The following TASP1 variants were observed in gnomAD, a reference collection of about 807,000 sequenced individuals.
The protein encoded by TASP1 is taspase 1.
Under a neutral mutation model 56.6 loss-of-function variants are expected in TASP1, and 16 were observed. That is an observed-to-expected ratio of 0.28 (90% CI 0.19 to 0.43). The LOEUF (loss-of-function observed/expected upper bound fraction) is 0.43. Ranked by LOEUF, TASP1 falls within the 20% of genes least tolerant of loss-of-function variation. The probability of loss-of-function intolerance (pLI) is 1.00; values close to 1 mark genes in which losing one functional copy is unlikely to be tolerated. For synonymous variants in TASP1, 179 were observed against 184.2 expected (o/e 0.97, Z 0.23); for missense variants, 393 against 511.6 (o/e 0.77, Z 2.24).
At chr20:13,196,281 T>C in the TASP1 span, among the ~76,000 whole-genome samples, 3 of 152,246 alleles carry the variant, frequency 2.0e-5, no homozygotes, top group African/African-American at 7.2e-5. Flanking sequence ...AATGATGGCC[T>C]ATTATGCGAG....
At chr20:13,323,623 C>A in the TASP1 span, among the ~76,000 whole-genome samples, 1 of 152,174 alleles carries the variant, frequency 6.6e-6, no homozygotes, top group Non-Finnish European at 1.5e-5. Context: ...AACTACCATA[C>A]GACTATAATT....
chr20:13,570,760 C>T (rs188302574), intron 6 of TASP1, among the ~76,000 whole-genome samples: 6 of 152,000 alleles, frequency 3.9e-5, no homozygotes, highest in Non-Finnish European at 7.4e-5. Context: ...TATTCTTGTA[C>T]GAAATGAAAT....
chr20:13,184,028 CAAA>C, the TASP1 span, among the ~76,000 whole-genome samples: 6 of 61,558 alleles, frequency 9.7e-5, no homozygotes, highest in Admixed American at 1.7e-4. Flanking sequence ...GACTCTGTCT[CAAA>C]AAAAAAAAAA....
chr20:13,132,471 C>T, the TASP1 span, among the ~76,000 whole-genome samples: 1 of 152,120 alleles, frequency 6.6e-6, no homozygotes, highest in Non-Finnish European at 1.5e-5. Flanking sequence ...GGACCGCACC[C>T]AGCCGCTTTA....
At chr20:13,349,506 C>T in the TASP1 span, among the ~76,000 whole-genome samples, 3 of 151,946 alleles carry the variant, frequency 2.0e-5, no homozygotes, top group South Asian at 2.1e-4. Context: ...ATATTGGGGT[C>T]GTGGGAGGGA....
At chr20:13,516,171 G>A (rs1027715295) in intron 10 of TASP1, among the ~76,000 whole-genome samples, 1 of 152,090 alleles carries the variant, frequency 6.6e-6, no homozygotes, top group Non-Finnish European at 1.5e-5. Flanking sequence ...TGCCATAAAA[G>A]GCACTAGTTG....
At chr20:13,511,674 A>C (rs1013722575) in intron 10 of TASP1, among the ~76,000 whole-genome samples, 1 of 152,068 alleles carries the variant, frequency 6.6e-6, no homozygotes, top group Non-Finnish European at 1.5e-5. Context: ...ATCTGTATAC[A>C]TGTGCCATGT....
chr20:13,252,125 C>G, the TASP1 span, among the ~76,000 whole-genome samples: 1 of 152,120 alleles, frequency 6.6e-6, no homozygotes, highest in Non-Finnish European at 1.5e-5. Context: ...GTCTACGGAG[C>G]CTTAAGACAC....
the TASP1 span, among the ~76,000 whole-genome samples, chr20:13,194,573 GTGTGTGTGTGTGTA>G: frequency 5.9e-3 from 866 of 146,732 alleles, 8 homozygotes; most frequent in African/African-American, 0.021. Context: ...GTGTGTGTGT[GTGTGTGTGTGTGTA>G]TGTGTGTTTC....
chr20:13,322,128 T>C, the TASP1 span, among the ~76,000 whole-genome samples: 14 of 152,242 alleles, frequency 9.2e-5, no homozygotes, highest in African/African-American at 3.4e-4. Context: ...CATTTTTTAA[T>C]GTCGTAAAGA....
chr20:13,105,717 C>G, the TASP1 span, among the ~76,000 whole-genome samples: 1 of 152,146 alleles, frequency 6.6e-6, no homozygotes, highest in African/African-American at 2.4e-5. Context: ...GCCACATTTA[C>G]CATCTATCAT....
At chr20:13,355,728 T>C in the TASP1 span, among the ~76,000 whole-genome samples, 1 of 152,192 alleles carries the variant, frequency 6.6e-6, no homozygotes, top group South Asian at 2.1e-4. Flanking sequence ...TGGCTCTGTC[T>C]TTCATTTCAG....
chr20:13,350,597 T>C, the TASP1 span, among the ~76,000 whole-genome samples: 2 of 152,206 alleles, frequency 1.3e-5, no homozygotes, highest in African/African-American at 4.8e-5. Flanking sequence ...GCAAATCACA[T>C]ATCTGACAAC....
the TASP1 span, among the ~76,000 whole-genome samples, chr20:13,356,164 C>T: frequency 6.6e-6 from 1 of 152,302 alleles, no homozygotes. Flanking sequence ...ATCACAATTC[C>T]ATATCTTGAT....
the TASP1 span, among the ~76,000 whole-genome samples, chr20:13,118,436 C>A: frequency 2.0e-5 from 2 of 102,292 alleles, no homozygotes; most frequent in African/African-American, 3.6e-5. Context: ...CCAATATCAC[C>A]AAGAGGTTTG....
the TASP1 span, among the ~76,000 whole-genome samples, chr20:13,383,301 A>G: frequency 2.0e-5 from 3 of 152,208 alleles, no homozygotes; most frequent in Admixed American, 2.0e-4. Context: ...GCAAAAGACA[A>G]TCTGATTGTA....
the TASP1 span, among the ~76,000 whole-genome samples, chr20:13,337,525 T>C: frequency 1.3e-5 from 2 of 152,184 alleles, no homozygotes; most frequent in African/African-American, 4.8e-5. Flanking sequence ...TATGGTAAAT[T>C]GCCACTAAGA....
the TASP1 span, among the ~76,000 whole-genome samples, chr20:13,183,549 A>G: frequency 6.6e-6 from 1 of 152,236 alleles, no homozygotes; most frequent in Non-Finnish European, 1.5e-5. Context: ...AAAAACATAT[A>G]ATATTAAGAA....
At chr20:13,201,695 A>T in the TASP1 span, among the ~76,000 whole-genome samples, 1 of 152,064 alleles carries the variant, frequency 6.6e-6, no homozygotes, top group African/African-American at 2.4e-5. Flanking sequence ...GTGAAAATTT[A>T]AAAATGAAGA....
Sources: allele counts gnomAD v4.1 joint callset (sites outside exome capture counted in the v4.1 genomes callset), GRCh38; gene constraint gnomAD v4.1.1; transcripts MANE v1.5; gene names NCBI Gene and HGNC (gene_info 2026-07-23, HGNC 2026-07-21).